The following UST variants were observed in gnomAD, a reference collection of about 807,000 sequenced individuals.
The protein encoded by UST is uronyl 2-sulfotransferase.
Under a neutral mutation model 45.6 loss-of-function variants are expected in UST, and 21 were observed. The observed-to-expected ratio is 0.46, with a 90% CI of 0.33 to 0.66. The LOEUF is 0.66. UST is among the 30% of genes least tolerant of loss of function. The pLI is 0.02. For missense variants in UST, 463 were observed against 512.4 expected (o/e 0.90, Z 0.93); for synonymous variants, 215 against 200.6 (o/e 1.07, Z -0.61).
At chr6:148,887,227 A>G (rs1158239080) in intron 2 of UST, among the ~76,000 whole-genome samples, 198 bp downstream of exon 2, 1 of 152,266 alleles carries the variant, frequency 6.6e-6, no homozygotes, top group Non-Finnish European at 1.5e-5. Flanking sequence ...AGAAGGAGCC[A>G]TTGTTGAATC....
chr6:148,941,713 C>G (rs1260353863), intron 3 of UST, among the ~76,000 whole-genome samples: 7 of 152,158 alleles, frequency 4.6e-5, no homozygotes, highest in African/African-American at 1.7e-4. Context: ...GCGATATATA[C>G]ATCTCAAAGA....
At chr6:149,023,949 T>A (rs1776015858) in intron 7 of UST, among the ~76,000 whole-genome samples, 1 of 152,212 alleles carries the variant, frequency 6.6e-6, no homozygotes, top group African/African-American at 2.4e-5. Context: ...TATTAACTCT[T>A]TTACCTTCAG....
chr6:148,770,175 C>A (rs1776395705), intron 1 of UST, among the ~76,000 whole-genome samples: 1 of 151,800 alleles, frequency 6.6e-6, no homozygotes, highest in Non-Finnish European at 1.5e-5. Context: ...ATAAATTCAT[C>A]ATCTTCGTGC....
intron 7 of UST, 148 bp from the exon 8 acceptor site, chr6:149,073,685 T>C (rs950655776): frequency 1.1e-6 from 1 of 902,370 alleles, no homozygotes. Context: ...CCAAATATTG[T>C]CAGGAACCCT....
chr6:148,899,118 G>A (rs1351408683), intron 2 of UST, among the ~76,000 whole-genome samples: 1 of 65,822 alleles, frequency 1.5e-5, no homozygotes, highest in Non-Finnish European at 2.8e-5. Context: ...TTTTTTTTTT[G>A]AGATGGAGTC....
chr6:149,038,789 C>A (rs1776271291), intron 7 of UST, among the ~76,000 whole-genome samples: 1 of 152,070 alleles, frequency 6.6e-6, no homozygotes, highest in African/African-American at 2.4e-5. Context: ...TCTGGATTGC[C>A]TTTCTTTGTT....
intron 2 of UST, among the ~76,000 whole-genome samples, chr6:148,918,915 A>T (rs1189450818): frequency 2.0e-5 from 3 of 152,200 alleles, no homozygotes; most frequent in Non-Finnish European, 4.4e-5. Context: ...ATAGACTAGG[A>T]GATGTATAAA....
In UST at chr6:148,790,847, C is replaced by T. The variant is rs190535477; in HGVS notation, c.247+43170C>T. On this transcript the variant is annotated intron_variant, in intron 1 of 7. Coordinates refer to ENST00000367463, the MANE Select transcript of UST (RefSeq NM_005715.3). This position sits in a 1 kb window ranked among gnomAD's most constrained non-coding sequence, Gnocchi z 4.2. ...AGCTCCTGTGGGACAGGCTGAGCTC[C>T]GTTGCAGCTGCATCGCAGTTTGCCT... is the stretch of plus-strand genomic sequence containing the variant. 1.3e-5 allele frequency among the ~76,000 whole-genome samples: 2 copies of T among 152,334 alleles called. No homozygotes were observed. The highest frequency in any genetic ancestry group is 3.4e-3 in the Middle Eastern group (1 of 294).
chr6:148,768,842 C>T (rs192033475), intron 1 of UST, among the ~76,000 whole-genome samples: 96 of 152,308 alleles, frequency 6.3e-4, no homozygotes, highest in African/African-American at 2.2e-3. Flanking sequence ...TCCCTCTTCG[C>T]GATACTAGAA....
At chr6:149,055,951 A>G in intron 7 of UST, among the ~76,000 whole-genome samples, 1 of 149,234 alleles carries the variant, frequency 6.7e-6, no homozygotes, top group South Asian at 2.1e-4. Context: ...AACCTAATGC[A>G]TGTCAGTGCT....
chr6:148,996,702 A>G (rs1284504528), intron 5 of UST, among the ~76,000 whole-genome samples: 2 of 152,186 alleles, frequency 1.3e-5, no homozygotes, highest in African/African-American at 4.8e-5. Flanking sequence ...TCTCAACTTG[A>G]GGAAAGATAG....
At chr6:148,829,913 T>C (rs1415645405) in intron 1 of UST, among the ~76,000 whole-genome samples, 1 of 152,190 alleles carries the variant, frequency 6.6e-6, no homozygotes, top group African/African-American at 2.4e-5. Context: ...TGACTTAAAG[T>C]GCAAGAACAT....
chr6:148,798,975 T>A (rs1193794552), intron 1 of UST, among the ~76,000 whole-genome samples: 1 of 152,146 alleles, frequency 6.6e-6, no homozygotes, highest in Non-Finnish European at 1.5e-5. Flanking sequence ...GTTCAAGCGA[T>A]TCTCCTGCGT....
chr6:149,049,547 ATT>A (rs1776447994), intron 7 of UST, among the ~76,000 whole-genome samples: 1 of 152,206 alleles, frequency 6.6e-6, no homozygotes, highest in Non-Finnish European at 1.5e-5. Flanking sequence ...AGCATTTTAA[ATT>A]ATGGGAAAAG....
intron 2 of UST, among the ~76,000 whole-genome samples, chr6:148,910,899 T>G (rs1779461211): frequency 6.6e-6 from 1 of 152,200 alleles, no homozygotes; most frequent in Admixed American, 6.5e-5. Flanking sequence ...CCCTTCTCAT[T>G]TCTTTCTTCC....
chr6:149,062,718 C>T (rs1441115062), intron 7 of UST, among the ~76,000 whole-genome samples: 2 of 152,216 alleles, frequency 1.3e-5, no homozygotes, highest in Non-Finnish European at 2.9e-5. Flanking sequence ...AGGTGCAAGG[C>T]TGAGAATCAG....
chr6:148,863,704 T>C (rs1402508521), intron 1 of UST, among the ~76,000 whole-genome samples: 1 of 152,226 alleles, frequency 6.6e-6, no homozygotes, highest in Non-Finnish European at 1.5e-5. Context: ...CCTTTCTGTT[T>C]GTTAGTTTTC....
intron 5 of UST, among the ~76,000 whole-genome samples, chr6:148,991,960 AAAT>A (rs1245808021): frequency 5.3e-5 from 8 of 152,170 alleles, no homozygotes; most frequent in African/African-American, 1.9e-4. Flanking sequence ...TTAGAACAAT[AAAT>A]AATTTTTACT....
chr6:149,047,587 T>C (rs1265459344), intron 7 of UST, among the ~76,000 whole-genome samples: 1 of 152,210 alleles, frequency 6.6e-6, no homozygotes, highest in Non-Finnish European at 1.5e-5. Flanking sequence ...TCAGAGTTTT[T>C]CATTAACAGT....
Sources: gnomAD v4.1 joint callset for allele counts (sites outside exome capture counted in the v4.1 genomes callset) on GRCh38, gnomAD v4.1.1 for gene constraint, Gnocchi (gnomAD v3.1) non-coding constraint, MANE v1.5 for transcripts, NCBI Gene and HGNC (gene_info 2026-07-23, HGNC 2026-07-21) for gene names.